NELL1: variants seen among roughly 807,000 people sequenced by gnomAD.
NELL1 encodes neural EGFL like 1.
In NELL1, 76 loss-of-function variants were observed where a neutral mutation model predicts 107.4. The observed-to-expected ratio is 0.71, with a 90% CI of 0.59 to 0.86. The LOEUF is 0.86. Among genes scored for constraint, NELL1 ranks in the 40% least tolerant of loss-of-function variants. The pLI is 0.00. For synonymous variants in NELL1, 353 were observed against 341.2 expected (o/e 1.03, Z -0.38); for missense variants, 1,024 against 1,005.5 (o/e 1.02, Z -0.25).
At chr11:21,349,880 T>C (rs1410938132) in intron 14 of NELL1, among the ~76,000 whole-genome samples, 1 of 152,150 alleles carries the variant, frequency 6.6e-6, no homozygotes, top group African/African-American at 2.4e-5. Flanking sequence ...ATATTATGAA[T>C]ATAATTTGAT....
intron 15 of NELL1, among the ~76,000 whole-genome samples, chr11:21,391,884 G>A (rs1851886371): frequency 6.6e-6 from 1 of 151,746 alleles, no homozygotes; most frequent in African/African-American, 2.4e-5. Flanking sequence ...TTGATTTAAA[G>A]CTCAGTTTAC....
intron 12 of NELL1, among the ~76,000 whole-genome samples, chr11:20,988,891 G>A (rs1330028665): frequency 6.6e-6 from 1 of 151,822 alleles, no homozygotes; most frequent in Non-Finnish European, 1.5e-5. Context: ...CCCGGCCGAG[G>A]TTTGCTATTT....
At chr11:21,208,577 T>C (rs1857436877) in intron 13 of NELL1, among the ~76,000 whole-genome samples, 2 of 152,044 alleles carry the variant, frequency 1.3e-5, no homozygotes, top group Non-Finnish European at 1.5e-5. Context: ...CTCCCCACTT[T>C]CCTCTCTGCA....
intron 14 of NELL1, chr11:21,284,508 T>A (rs1339472645): frequency 4.4e-6 from 2 of 459,498 alleles, no homozygotes; most frequent in African/African-American, 2.0e-5. Flanking sequence ...GGAGGTGGCA[T>A]CCCGCTATCC....
At chr11:21,257,595 A>C (rs1236290976) in intron 14 of NELL1, among the ~76,000 whole-genome samples, 3 of 151,992 alleles carry the variant, frequency 2.0e-5, no homozygotes, top group Non-Finnish European at 4.4e-5. Context: ...AGGGGAAGTA[A>C]AGGTGAACTC....
At chr11:20,862,995 T>C (rs1849008478) in intron 4 of NELL1, among the ~76,000 whole-genome samples, 1 of 152,100 alleles carries the variant, frequency 6.6e-6, no homozygotes, top group Non-Finnish European at 1.5e-5. Flanking sequence ...GTCTCCCATG[T>C]CTACTTCTTT....
chr11:21,348,958 C>T (rs763876675), intron 14 of NELL1, among the ~76,000 whole-genome samples: 12 of 152,152 alleles, frequency 7.9e-5, no homozygotes, highest in Non-Finnish European at 1.8e-4. Context: ...TCAAGAAACA[C>T]TTCTTTAAGT....
intron 3 of NELL1, among the ~76,000 whole-genome samples, chr11:20,787,305 G>A (rs1337294551): frequency 6.6e-6 from 1 of 152,032 alleles, no homozygotes; most frequent in Non-Finnish European, 1.5e-5. Flanking sequence ...TACTTAAGGA[G>A]ACTGGAATGT....
chr11:20,721,846 T>A (rs1855396204), intron 2 of NELL1, among the ~76,000 whole-genome samples: 1 of 152,144 alleles, frequency 6.6e-6, no homozygotes, highest in Admixed American at 6.5e-5. Context: ...ACCAGAAGAA[T>A]CTATCCTTTA....
chr11:21,253,121 A>G (rs1858680902), intron 14 of NELL1, among the ~76,000 whole-genome samples: 3 of 152,142 alleles, frequency 2.0e-5, no homozygotes, highest in African/African-American at 7.2e-5. Context: ...TAGAGCTAGA[A>G]TGACCTTTAG....
chr11:21,546,317 G>T (rs1856441141), intron 16 of NELL1, among the ~76,000 whole-genome samples: 1 of 151,884 alleles, frequency 6.6e-6, no homozygotes, highest in African/African-American at 2.4e-5. Context: ...CCTTTTTGAG[G>T]CTCAGTGTGA....
intron 5 of NELL1, among the ~76,000 whole-genome samples, chr11:20,915,349 T>TA (rs909368709): frequency 1.3e-5 from 2 of 151,878 alleles, no homozygotes; most frequent in African/African-American, 4.8e-5. Context: ...AGGTTTTGTT[T>TA]AAAAAATGAA....
At chr11:20,747,949 T>TG (rs951735759) in intron 2 of NELL1, among the ~76,000 whole-genome samples, 2 of 151,966 alleles carry the variant, frequency 1.3e-5, no homozygotes, top group African/African-American at 4.8e-5. Flanking sequence ...GCTGGGGAGG[T>TG]GGGGAAATTT....
chr11:21,252,432 C>T (rs1173191678), intron 14 of NELL1, among the ~76,000 whole-genome samples: 1 of 152,098 alleles, frequency 6.6e-6, no homozygotes, highest in African/African-American at 2.4e-5. Flanking sequence ...AGACTTGACA[C>T]CAAGTTGTGC....
At chr11:20,946,802 T>C (rs1448172650) in intron 10 of NELL1, among the ~76,000 whole-genome samples, 1 of 152,184 alleles carries the variant, frequency 6.6e-6, no homozygotes, top group Non-Finnish European at 1.5e-5. Context: ...TTTATGAGGC[T>C]TTATTCCTCC....
chr11:20,959,873 G>A (rs1454609611), intron 11 of NELL1, among the ~76,000 whole-genome samples: 1 of 152,118 alleles, frequency 6.6e-6, no homozygotes, highest in African/African-American at 2.4e-5. Context: ...TCCCTCATAT[G>A]GAGTTTAAAA....
intron 14 of NELL1, among the ~76,000 whole-genome samples, chr11:21,315,780 T>A (rs1222555266): frequency 6.6e-6 from 1 of 152,126 alleles, no homozygotes; most frequent in African/African-American, 2.4e-5. Context: ...GTGCTGGATT[T>A]ATTTTCCCTC....
intron 17 of NELL1, among the ~76,000 whole-genome samples, chr11:21,564,477 G>C (rs1349781508): frequency 6.6e-6 from 1 of 151,862 alleles, no homozygotes; most frequent in Non-Finnish European, 1.5e-5. Flanking sequence ...ACCAGGGTCT[G>C]CAAGTTGGGC....
intron 13 of NELL1, among the ~76,000 whole-genome samples, chr11:21,194,895 C>A (rs1294215013): frequency 2.0e-5 from 3 of 152,116 alleles, no homozygotes; most frequent in African/African-American, 7.2e-5. Context: ...GGGGAGTAAG[C>A]AGATTACAGG....
Sources: allele counts gnomAD v4.1 joint callset (sites outside exome capture counted in the v4.1 genomes callset), GRCh38; gene constraint gnomAD v4.1.1; transcripts MANE v1.5; gene names NCBI Gene and HGNC (gene_info 2026-07-23, HGNC 2026-07-21).